Variants in CTNND2 observed in about 807,000 individuals in gnomAD.
The protein encoded by CTNND2 is catenin delta-2.
Under a neutral mutation model 144.4 loss-of-function variants are expected in CTNND2, and 22 were observed. The ratio of observed to expected loss-of-function variants is 0.15; its 90% confidence interval spans 0.11 to 0.22. The LOEUF (loss-of-function observed/expected upper bound fraction) is 0.22. CTNND2 is among the 10% of genes least tolerant of loss of function. The pLI is 1.00. For synonymous variants in CTNND2, 751 were observed against 695.6 expected, an observed-to-expected ratio of 1.08 and a Z score of -1.25; for missense variants, 1,353 against 1,618.8, an observed-to-expected ratio of 0.84 and a Z score of 2.82.
intron 3 of CTNND2, among the ~76,000 whole-genome samples, chr5:11,469,436 A>G (rs1041733490): frequency 2.0e-5 from 3 of 152,212 alleles, no homozygotes; most frequent in African/African-American, 7.2e-5. Flanking sequence ...AATCCTTTAA[A>G]GTTACTTTCA....
Position 11,511,906 on chromosome 5 carries a change from A to G in CTNND2, c.287+53038T>C, listed in dbSNP as rs141947144. ...GACTCATACTTCTGACTGCCCTTGG[A>G]CATTACCAAAGAATTTGTTTTCAGC... is the stretch of plus-strand genomic sequence containing the variant. On this transcript the variant is annotated intron_variant, in intron 3 of 21. Transcript: ENST00000304623. Among the ~76,000 whole-genome samples the G allele has an allele frequency of 4.1e-3, 629 of 152,286 alleles. 5 individuals are homozygous for G. The highest frequency in any genetic ancestry group is 0.014 in the African/African-American group (600 of 41,538).
At chr5:11,628,225 C>T (rs1024716171) in intron 2 of CTNND2, among the ~76,000 whole-genome samples, 3 of 152,090 alleles carry the variant, frequency 2.0e-5, no homozygotes, top group African/African-American at 7.3e-5. Context: ...ATTAAAAAGT[C>T]TTAATTTTAG....
chr5:11,613,061 G>C (rs985035041), intron 2 of CTNND2, among the ~76,000 whole-genome samples: 14 of 152,272 alleles, frequency 9.2e-5, no homozygotes, highest in African/African-American at 3.1e-4. Flanking sequence ...CTTGTGCTTT[G>C]GTTGAATAAT....
chr5:11,745,608 G>A (rs370840631), intron 1 of CTNND2, among the ~76,000 whole-genome samples: 83 of 152,230 alleles, frequency 5.5e-4, no homozygotes, highest in African/African-American at 1.9e-3. Context: ...TACTGCAAAT[G>A]GCTCCATCAG....
chr5:11,573,553 G>C (rs1184594088), intron 2 of CTNND2, among the ~76,000 whole-genome samples: 1 of 152,148 alleles, frequency 6.6e-6, no homozygotes, highest in Non-Finnish European at 1.5e-5. Context: ...GACAGAACAA[G>C]CCATGATGTC....
chr5:11,579,935 T>C (rs536088548), intron 2 of CTNND2, among the ~76,000 whole-genome samples: 7 of 152,278 alleles, frequency 4.6e-5, no homozygotes, highest in Admixed American at 3.9e-4. Flanking sequence ...ATTGGGCCAA[T>C]TTTTTCCCAA....
Position 11,688,949 on chromosome 5 carries a change from C to T in CTNND2, c.174+43187G>A, listed in dbSNP as rs547146403. Among the ~76,000 whole-genome samples the T allele has an allele frequency of 3.0e-3, 463 of 152,306 alleles. 3 individuals carry two copies. The highest frequency in any genetic ancestry group is 0.028 in the South Asian group (133 of 4,822). On this transcript the variant is annotated intron_variant, in intron 2 of 21. Transcript: ENST00000304623. Reference sequence around the variant, plus strand: ...GGAGTTGCCCTTTTGATGAATGACACAGCGAGGGCCACAAAATAAGAGGTG... The same window carrying T: ...GGAGTTGCCCTTTTGATGAATGACATAGCGAGGGCCACAAAATAAGAGGTG...
At chr5:11,461,784 C>T (rs1167394839) in intron 3 of CTNND2, among the ~76,000 whole-genome samples, 1 of 152,056 alleles carries the variant, frequency 6.6e-6, no homozygotes, top group African/African-American at 2.4e-5. Flanking sequence ...AAACTACTAT[C>T]CAATAAGTAA....
At chr5:11,477,279 TG>T (rs1329148776) in intron 3 of CTNND2, among the ~76,000 whole-genome samples, 1 of 152,332 alleles carries the variant, frequency 6.6e-6, no homozygotes, top group African/African-American at 2.4e-5. Context: ...GTTTTGTTTT[TG>T]TTTTTTTAAC....
intron 8 of CTNND2, among the ~76,000 whole-genome samples, chr5:11,353,767 C>T (rs1755585018): frequency 6.6e-6 from 1 of 150,556 alleles, no homozygotes; most frequent in Non-Finnish European, 1.5e-5. Context: ...TGTGCCGTCG[C>T]ATTCTGGCCT....
At position 11,159,202 on chromosome 5, in the gene CTNND2, T is replaced by C. The variant is rs140334958; in HGVS notation, c.2159+374A>G. On this transcript the variant is annotated intron_variant, in intron 12 of 21. Coordinates refer to ENST00000304623, the MANE Select transcript of CTNND2 (RefSeq NM_001332.4). Reference sequence around the variant, plus strand: ...TAACCAGATCCCTATGTATCTGTTATGAACTCTGCCCAACCAGTCAGCCTG... The same window carrying C: ...TAACCAGATCCCTATGTATCTGTTACGAACTCTGCCCAACCAGTCAGCCTG... 2.3e-3 allele frequency among the ~76,000 whole-genome samples: 350 copies of C among 152,320 alleles called. 3 individuals are homozygous for C. The highest frequency in any genetic ancestry group is 7.9e-3 in the African/African-American group (330 of 41,564).
At chr5:11,784,933 G>C (rs1790748110) in intron 1 of CTNND2, among the ~76,000 whole-genome samples, 1 of 152,176 alleles carries the variant, frequency 6.6e-6, no homozygotes, top group East Asian at 1.9e-4. Context: ...TGAGTTAACA[G>C]GCATTGTTTT....
intron 1 of CTNND2, among the ~76,000 whole-genome samples, chr5:11,866,834 G>T (rs1403835657): frequency 6.6e-6 from 1 of 152,102 alleles, no homozygotes; most frequent in African/African-American, 2.4e-5. Flanking sequence ...ATCAATAATG[G>T]CATTCTCTTC....
chr5:11,244,575 G>A (rs900721935), intron 9 of CTNND2, among the ~76,000 whole-genome samples: 2 of 152,156 alleles, frequency 1.3e-5, no homozygotes, highest in South Asian at 2.1e-4. Flanking sequence ...ATGAACCACG[G>A]CGCCCGGCCT....
At chr5:11,540,960 T>C (rs1774676513) in intron 3 of CTNND2, among the ~76,000 whole-genome samples, 1 of 152,240 alleles carries the variant, frequency 6.6e-6, no homozygotes, top group South Asian at 2.1e-4. Context: ...ACAAATGCTC[T>C]AAACTTGTCT....
chr5:10,991,331 A>G (rs1167368138), intron 19 of CTNND2, among the ~76,000 whole-genome samples: 2 of 152,232 alleles, frequency 1.3e-5, no homozygotes, highest in African/African-American at 4.8e-5. Context: ...GTGTCATTTC[A>G]GAGAATAGGA....
chr5:11,309,458 G>C (rs1224227025), intron 9 of CTNND2, among the ~76,000 whole-genome samples: 1 of 152,152 alleles, frequency 6.6e-6, no homozygotes, highest in Admixed American at 6.5e-5. Context: ...CTTGAATGGA[G>C]CCTGTAGCCC....
intron 9 of CTNND2, among the ~76,000 whole-genome samples, chr5:11,320,333 C>G (rs1002919376): frequency 3.3e-5 from 5 of 152,036 alleles, no homozygotes; most frequent in Non-Finnish European, 5.9e-5. Context: ...TTTTTTTTCT[C>G]CACTAGGTTT....
intron 20 of CTNND2, among the ~76,000 whole-genome samples, chr5:10,985,476 T>C (rs1246955385): frequency 6.6e-6 from 1 of 152,196 alleles, no homozygotes; most frequent in African/African-American, 2.4e-5. Flanking sequence ...AACACCTAGA[T>C]GGATCTGAAC....
Sources: allele counts gnomAD v4.1 joint callset (sites outside exome capture counted in the v4.1 genomes callset), GRCh38; gene constraint gnomAD v4.1.1; transcripts MANE v1.5; gene names NCBI Gene and HGNC (gene_info 2026-07-23, HGNC 2026-07-21).